Variants in RAD21 observed in about 807,000 individuals in gnomAD.
The protein encoded by RAD21 is double-strand-break repair protein rad21 homolog.
In RAD21, 18 loss-of-function variants were observed where a neutral mutation model predicts 71.5. The observed-to-expected ratio is 0.25, with a 90% CI of 0.17 to 0.37. The LOEUF (loss-of-function observed/expected upper bound fraction) is 0.37, where lower values mean the gene tolerates loss of function less well. Ranked by LOEUF, RAD21 falls within the 10% of genes least tolerant of loss-of-function variation. RAD21 has a pLI of 1.00. For missense variants in RAD21, 493 were observed against 769.1 expected, an observed-to-expected ratio of 0.64 and a Z score of 4.25; for synonymous variants, 248 against 254.0, an observed-to-expected ratio of 0.98 and a Z score of 0.22.
chr8:116,855,911 T>G (rs1812452650), intron 8 of RAD21, among the ~76,000 whole-genome samples: 1 of 152,118 alleles, frequency 6.6e-6, no homozygotes, highest in Non-Finnish European at 1.5e-5. Flanking sequence ...TCACAGCAAC[T>G]TGCACAGACA....
rs1812255317 is a variant in RAD21 at position 116,846,518 on chromosome 8, T to G, written c.*982A>C. 4.4e-6 allele frequency: 1 copy of G among 227,140 alleles called. No individual in the cohort carries two copies. The allele number at this position is 227,140 out of a possible 1,614,324, so 14.1% of individuals were successfully genotyped here. ...CGCTATTAAAGTTCCAAACCAGGAG[T>G]GTGCAGCACTGGAAAAGGAGATCAG... On this transcript the variant is annotated 3_prime_UTR_variant, in exon 14 of 14. Coordinates refer to ENST00000297338, the MANE Select transcript of RAD21 (RefSeq NM_006265.3).
intron 11 of RAD21, chr8:116,851,146 T>C (rs904785220): frequency 6.4e-6 from 1 of 155,426 alleles, no homozygotes; most frequent in African/African-American, 2.4e-5. Context: ...AGTGAGGACA[T>C]TGCTTTTCTG....
rs937006602 is a variant in RAD21, at chr8:116,859,001, TAGG to T, written c.375-546_375-544del. 5.0e-5 allele frequency among the ~76,000 whole-genome samples: 7 copies of T among 140,600 alleles called. No individual in the cohort carries two copies. In the South Asian group the frequency reaches 6.7e-4, roughly 13 times the overall value. 92.2% of individuals were successfully genotyped at this position (140,600 alleles called of 152,430 possible). On this transcript the variant is annotated intron_variant, in intron 4 of 13. Coordinates refer to ENST00000297338, the MANE Select transcript of RAD21 (RefSeq NM_006265.3). ...AAATAGATGGCAAGGAAAAAAAAAA[TAGG>T]AGGCGGCAAAGCTGTAATAGATTCT...
chr8:116,864,923 G>C (rs1041401761), intron 2 of RAD21, among the ~76,000 whole-genome samples: 1 of 152,126 alleles, frequency 6.6e-6, no homozygotes, highest in Admixed American at 6.6e-5. Context: ...TTCTTCCAGT[G>C]GGGGAGTGGA....
At chr8:116,850,816 G>C (rs1398355954) in intron 11 of RAD21, 49 bp from the exon 12 acceptor site, 2 of 1,294,692 alleles carry the variant, frequency 1.5e-6, no homozygotes. Context: ...TTTTAAAGTA[G>C]CTTATTTTAA....
rs868565751 is a variant in RAD21 at position 116,846,228 on chromosome 8, A to G, written c.*1272T>C. 6 of 231,220 alleles carry G rather than the reference A, an allele frequency of 2.6e-5. No individual in the cohort carries two copies. The highest frequency in any genetic ancestry group is 1.1e-4 in the African/African-American group (5 of 45,232). The allele number at this position is 231,220 out of a possible 1,614,324, so 14.3% of individuals were successfully genotyped here. A position where few individuals can be genotyped will look rare whatever the true frequency, so the allele number is the denominator to read the frequency against. On this transcript the variant is annotated 3_prime_UTR_variant, in exon 14 of 14. Transcript: ENST00000297338. ...TTAAAACAGTAATTACGAGTTCACA[A>G]ATTTAAAACATTTCACATAATTTTA...
At chr8:116,871,743 C>G (rs745834388) in intron 1 of RAD21, among the ~76,000 whole-genome samples, 1 of 152,174 alleles carries the variant, frequency 6.6e-6, no homozygotes, top group Non-Finnish European at 1.5e-5. Flanking sequence ...CTAAGCACTA[C>G]GTGTTTTATG....
Position 116,866,772 on chromosome 8 carries a change from A to C in RAD21, c.-32-11T>G. 6.7e-7 allele frequency: 1 copy of C among 1,495,522 alleles called. No homozygotes were observed. Among genetic ancestry groups the C allele is most frequent in the Non-Finnish European group, 8.9e-7 (1 of 1,121,690 alleles). The allele number at this position is 1,495,522 out of a possible 1,614,324, so 92.6% of individuals were successfully genotyped here. On this transcript the variant is annotated splice_polypyrimidine_tract_variant and intron_variant, in intron 1 of 13. Coordinates refer to ENST00000297338, the MANE Select transcript of RAD21 (RefSeq NM_006265.3). ...AAAACAGAAGAAAACCTAAGAGGGG[A>C]AAAAAAAGTTAATGTAAACATCATC...
rs779559404 is a variant in RAD21, at chr8:116,852,046, C to A, written c.1372G>T (p.Ala458Ser). The A allele has an allele frequency of 6.2e-7, 1 of 1,612,202 alleles. No individual in the cohort carries two copies. The highest frequency in any genetic ancestry group is 8.5e-7 in the Non-Finnish European group (1 of 1,178,444). The change falls in exon 11 of 14, where the codon GCC becomes TCC. Residue 458 changes from alanine (A) to serine (S), a missense_variant. Ala to Ser is a moderately conservative substitution (Grantham distance 99, BLOSUM62 1). This residue lies in a region of RAD21 where 225 missense variants were observed against 218.3 expected (regional missense o/e 1.03). Transcript: ENST00000297338. ...GACTCATCTATGTTTGTTCTGCTGG[C>A]CTCCATCACTGACTCCTGGAGGCGG... ...PSRLQESVME[A>S]SRTNIDESAM...
chr8:116,873,586 A>G (rs1812887825), intron 1 of RAD21, among the ~76,000 whole-genome samples: 2 of 152,178 alleles, frequency 1.3e-5, no homozygotes, highest in African/African-American at 4.8e-5. Context: ...CCCTTGCAAA[A>G]AGAAGCCGAT....
intron 1 of RAD21, 155 bp downstream of exon 1, chr8:116,874,456 G>C: frequency 4.8e-6 from 1 of 208,074 alleles, no homozygotes; most frequent in Non-Finnish European, 9.6e-6. Flanking sequence ...CGCCGCTTGG[G>C]CGCCGGGAGG....
chr8:116,866,053 A>T (rs1812684065), intron 2 of RAD21, among the ~76,000 whole-genome samples: 1 of 152,118 alleles, frequency 6.6e-6, no homozygotes, highest in South Asian at 2.1e-4. Flanking sequence ...CATGCAAAAC[A>T]GTTTTACTGC....
chr8:116,854,266 C>T lies in RAD21; in HGVS notation c.1140G>A (p.Leu380=). The T allele has an allele frequency of 2.5e-6, 4 of 1,612,768 alleles. No individual in the cohort carries two copies. The highest frequency in any genetic ancestry group is 1.1e-5 in the South Asian group (1 of 91,044). Residue 380 remains leucine (L), a synonymous_variant, in exon 9 of 14, where the codon TTG becomes TTA. Coordinates refer to ENST00000297338, the MANE Select transcript of RAD21 (RefSeq NM_006265.3). ...TTACCTTCAGTAGTCTGTTATTCCA[C>T]AAAGGCTGAGCAGGTAAAGAAAACA... The part of the protein sequence containing the change: ...EKLFSLPAQP[L]WNNRLLKLFT...
At chr8:116,871,372 C>T (rs1812820151) in intron 1 of RAD21, among the ~76,000 whole-genome samples, 1 of 151,834 alleles carries the variant, frequency 6.6e-6, no homozygotes, top group African/African-American at 2.4e-5. Context: ...TTTCAATTGA[C>T]CCTAAAAAAT....
rs1314521209 is a variant in RAD21 at position 116,852,726 on chromosome 8, AAG to A, written c.1162-20_1162-19del. The A allele has an allele frequency of 9.6e-6, 14 of 1,465,962 alleles. No individual in the cohort carries two copies. The African/African-American group carries it at 1.5e-4, about 15-fold the overall frequency. 90.8% of individuals were successfully genotyped at this position (1,465,962 alleles called of 1,614,324 possible). On this transcript the variant is annotated intron_variant, in intron 9 of 13. Coordinates refer to ENST00000297338, the MANE Select transcript of RAD21 (RefSeq NM_006265.3). ...GTAAAGAGCTATTAAAAAAAAAAAA[AAG>A]AAAAATTTCAATTATAAAATAAATC...
chr8:116,856,152 GT>G lies in RAD21; in HGVS notation c.937+13del. 1 of 1,606,640 alleles carries G rather than the reference GT, an allele frequency of 6.2e-7. No individual in the cohort carries two copies. Among genetic ancestry groups the G allele is most frequent in the East Asian group, 2.2e-5 (1 of 44,572 alleles). ...TGTTGTATGCTGTATAAATCTAAAG[GT>G]TCATATGCTTACCAGTTATATCAAT... is the stretch of plus-strand genomic sequence containing the variant. On this transcript the variant is annotated intron_variant, in intron 8 of 13. Coordinates refer to ENST00000297338, the MANE Select transcript of RAD21 (RefSeq NM_006265.3).
chr8:116,846,359 AG>A lies in RAD21; in HGVS notation c.*1140del, dbSNP rs1279660179. ...TTTCAGTGTTAACTTTGCCCTAAAAAGTTAAGACATTCTGATAATCATAACA... is the reference window on the plus strand; with the variant it reads ...TTTCAGTGTTAACTTTGCCCTAAAAATTAAGACATTCTGATAATCATAACA... On this transcript the variant is annotated 3_prime_UTR_variant, in exon 14 of 14. Coordinates refer to ENST00000297338, the MANE Select transcript of RAD21 (RefSeq NM_006265.3). 4 of 185,674 alleles carry A rather than the reference AG, an allele frequency of 2.2e-5. No individual in the cohort carries two copies. The highest frequency in any genetic ancestry group is 4.0e-5 in the Non-Finnish European group (4 of 100,710). 11.5% of individuals were successfully genotyped at this position (185,674 alleles called of 1,614,324 possible).
Position 116,850,676 on chromosome 8 carries a change from A to G in RAD21, c.1562T>C (p.Leu521Pro), listed in dbSNP as rs1003953054. ...NICQLIPELE[L>P]LPEKEKEKEK... ...TTTCTCCTTCTCTTTTTCTGGCAGA[A>G]GTTCTAACTCTGGTATTAGCTGACA... The change falls in exon 12 of 14, where the codon CTT (leucine) becomes CCT (proline). Residue 521 changes from leucine (L) to proline (P), a missense_variant. Physicochemically the swap from Leu to Pro is moderately conservative, Grantham distance 98. This residue lies in a region of RAD21 where 225 missense variants were observed against 218.3 expected (regional missense o/e 1.03). Coordinates refer to ENST00000297338, the MANE Select transcript of RAD21 (RefSeq NM_006265.3). The G allele has an allele frequency of 6.2e-7, 1 of 1,612,676 alleles. No homozygotes were observed.
At chr8:116,848,568 A>G (rs1410842389) in intron 13 of RAD21, among the ~76,000 whole-genome samples, 3 of 152,108 alleles carry the variant, frequency 2.0e-5, no homozygotes, top group African/African-American at 4.8e-5. Context: ...CTACACAATG[A>G]CCCAATAAAT....
Sources: allele counts gnomAD v4.1 joint callset (sites outside exome capture counted in the v4.1 genomes callset), GRCh38; gene constraint gnomAD v4.1.1; regional missense constraint gnomAD v4.1.1; transcripts MANE v1.5; gene names NCBI Gene and HGNC (gene_info 2026-07-23, HGNC 2026-07-21).